The following TBK1 variants were observed in gnomAD, a reference collection of about 807,000 sequenced individuals.
TBK1 encodes serine/threonine-protein kinase TBK1.
In TBK1, 37 loss-of-function variants were observed where a neutral mutation model predicts 99.9. The ratio of observed to expected loss-of-function variants is 0.37; its 90% CI spans 0.28 to 0.49. The LOEUF is 0.49. Ranked by LOEUF, TBK1 falls within the 20% of genes least tolerant of loss-of-function variation. TBK1 has a pLI of 0.98. For synonymous variants in TBK1, 258 were observed against 279.8 expected (o/e 0.92, Z 0.78); for missense variants, 644 against 872.5 (o/e 0.74, Z 3.30).
Position 64,482,636 on chromosome 12 carries a change from T to C in TBK1, c.992+615T>C, listed in dbSNP as rs537974572. Among the ~76,000 whole-genome samples the C allele has an allele frequency of 4.6e-5, 7 of 152,368 alleles. No homozygotes were observed. In the South Asian group the frequency reaches 1.2e-3, roughly 27 times the overall value. On this transcript the variant is annotated intron_variant, in intron 8 of 20. Transcript: ENST00000331710. ...TAAGATTATAATATCATATTTTTAC[T>C]GTACCTTTTCTATGTTTAGACATGT...
chr12:64,454,978 AT>A (rs769869887), intron 1 of TBK1, among the ~76,000 whole-genome samples: 4,828 of 125,552 alleles, frequency 0.038, 97 homozygotes, highest in Middle Eastern at 0.057. Context: ...CGCCCGGCCA[AT>A]TTTTTTTTTT....
In TBK1 at chr12:64,482,049, C is replaced by A. The variant is rs771212112; in HGVS notation, c.992+28C>A. On this transcript the variant is annotated intron_variant, in intron 8 of 20. Transcript: ENST00000331710. ...AAGTATCTCTATTTTCTTCTTGTAT[C>A]AACATGTTCTGTTATATAATATTTT... 4 of 1,401,520 alleles carry A rather than the reference C, an allele frequency of 2.9e-6. No homozygotes were observed. The South Asian group carries it at 4.9e-5, about 17-fold the overall frequency. 86.8% of individuals were successfully genotyped at this position (1,401,520 alleles called of 1,614,324 possible).
chr12:64,482,103 T>C (rs1256329418), intron 8 of TBK1, 82 bp downstream of exon 8: 1 of 989,146 alleles, frequency 1.0e-6, no homozygotes, highest in Non-Finnish European at 1.3e-6. Flanking sequence ...ATAGAAAAGA[T>C]GCCTCAGCTT....
chr12:64,479,258 C>G (rs988264913), intron 6 of TBK1, among the ~76,000 whole-genome samples: 3 of 152,094 alleles, frequency 2.0e-5, no homozygotes, highest in Non-Finnish European at 2.9e-5. Context: ...GCCATTTATT[C>G]TATTCACTTC....
chr12:64,499,530 A>G (rs1008513274), intron 20 of TBK1, among the ~76,000 whole-genome samples: 2 of 151,930 alleles, frequency 1.3e-5, no homozygotes, highest in Non-Finnish European at 2.9e-5. Context: ...TGTTTGTTCA[A>G]TTTTCATTTT....
At chr12:64,476,454 G>A (rs937074571) in intron 6 of TBK1, among the ~76,000 whole-genome samples, 16 of 152,024 alleles carry the variant, frequency 1.1e-4, no homozygotes, top group African/African-American at 3.6e-4. Flanking sequence ...CACCACACCC[G>A]GCGCATAGTC....
At position 64,464,472 on chromosome 12, in the gene TBK1, G is replaced by T. The variant is rs375615378; in HGVS notation, c.358+9G>T. 3 of 1,556,110 alleles carry T rather than the reference G, an allele frequency of 1.9e-6. No individual in the cohort carries two copies. The highest frequency in any genetic ancestry group is 1.4e-5 in the African/African-American group (1 of 72,632). On this transcript the variant is annotated intron_variant, in intron 4 of 20. Transcript: ENST00000331710. Reference sequence around the variant, plus strand: ...TGTTTTGCGAGATGTGGGTATGTTTGTTTATTTATATGATATCATTTGTAT... The same window carrying T: ...TGTTTTGCGAGATGTGGGTATGTTTTTTTATTTATATGATATCATTTGTAT...
chr12:64,478,639 C>T (rs1016665290), intron 6 of TBK1, among the ~76,000 whole-genome samples: 2 of 152,134 alleles, frequency 1.3e-5, no homozygotes, highest in Non-Finnish European at 2.9e-5. Flanking sequence ...AAGTGTTTTC[C>T]AGCAAGGACA....
chr12:64,484,450 T>C lies in TBK1; in HGVS notation c.1140T>C (p.Phe380=). ...AAACTACTGAGGAAAACCCTATATT[T>C]GTAGTAAGCCGGGAACCTCTGAATA... ...FPKTTEENPI[F]VVSREPLNTI... is the part of the protein sequence containing the mutation. Residue 380 remains phenylalanine, a synonymous_variant, in exon 9 of 21, where the codon TTT becomes TTC. Transcript: ENST00000331710. 1 of 1,614,044 alleles carries C rather than the reference T, an allele frequency of 6.2e-7. No individual in the cohort carries two copies. Among genetic ancestry groups the C allele is most frequent in the African/African-American group, 1.3e-5 (1 of 75,036 alleles).
At chr12:64,496,277 C>T in intron 15 of TBK1, 90 bp from the exon 16 acceptor site, 1 of 625,040 alleles carries the variant, frequency 1.6e-6, no homozygotes, top group Non-Finnish European at 2.5e-6. Flanking sequence ...GACTCTTAGC[C>T]TTTTTGAAGC....
intron 4 of TBK1, 119 bp downstream of exon 4, chr12:64,464,582 C>A: frequency 4.2e-6 from 3 of 719,470 alleles, no homozygotes; most frequent in Non-Finnish European, 6.0e-6. Context: ...GATATGACAC[C>A]AAAAGCACAA....
At chr12:64,489,493 C>G (rs2040847949) in intron 12 of TBK1, among the ~76,000 whole-genome samples, 1 of 151,836 alleles carries the variant, frequency 6.6e-6, no homozygotes, top group South Asian at 2.1e-4. Flanking sequence ...CTGTTTTATC[C>G]ATCCCTTAAT....
intron 6 of TBK1, among the ~76,000 whole-genome samples, chr12:64,476,388 G>A (rs2040714447): frequency 1.3e-5 from 2 of 152,004 alleles, no homozygotes; most frequent in South Asian, 4.1e-4. Context: ...TCGATCTCCT[G>A]ACCTCGTGAT....
chr12:64,480,827 C>T (rs1283436924), intron 7 of TBK1, among the ~76,000 whole-genome samples: 1 of 152,058 alleles, frequency 6.6e-6, no homozygotes. Context: ...GTTATATAAT[C>T]CTTAATTGGA....
chr12:64,497,506 G>A (rs995162577), intron 18 of TBK1, 142 bp from the exon 19 acceptor site: 23 of 611,724 alleles, frequency 3.8e-5, no homozygotes, highest in Non-Finnish European at 6.2e-5. Flanking sequence ...TTGTATCATC[G>A]ATAGTTTTGA....
intron 11 of TBK1, among the ~76,000 whole-genome samples, chr12:64,486,394 A>G (rs1311096361): frequency 6.6e-6 from 1 of 150,630 alleles, no homozygotes; most frequent in Non-Finnish European, 1.5e-5. Context: ...ATTTCCTACC[A>G]TTTTCCCAAA....
At chr12:64,467,147 A>G (rs2040614563) in intron 5 of TBK1, 65 bp downstream of exon 5, 20 of 1,270,536 alleles carry the variant, frequency 1.6e-5, no homozygotes, top group Non-Finnish European at 2.1e-5. Flanking sequence ...ATAATTGGGT[A>G]ATTGGTCAGC....
chr12:64,455,758 T>A (rs2040480123), intron 1 of TBK1, 82 bp from the exon 2 acceptor site: 1 of 684,486 alleles, frequency 1.5e-6, no homozygotes, highest in South Asian at 1.9e-5. Flanking sequence ...GTGATCTTAC[T>A]TGAGACTAAA....
intron 12 of TBK1, 30 bp downstream of exon 12, chr12:64,488,618 G>T (rs762370818): frequency 1.8e-5 from 25 of 1,378,216 alleles, no homozygotes; most frequent in Non-Finnish European, 2.4e-5. Flanking sequence ...ACTAGTAGGG[G>T]TTAAATTATT....
Sources: gnomAD v4.1 joint callset for allele counts (sites outside exome capture counted in the v4.1 genomes callset) on GRCh38, gnomAD v4.1.1 for gene constraint, MANE v1.5 for transcripts, NCBI Gene and HGNC (gene_info 2026-07-23, HGNC 2026-07-21) for gene names.